KIF17: variants seen among roughly 807,000 people sequenced by gnomAD.
The protein encoded by KIF17 is kinesin family member 17, also known as kinesin-like protein KIF17.
KIF17 carries 80 observed loss-of-function variants against 96.8 expected under a neutral mutation model. That is an observed-to-expected ratio of 0.83 (90% CI 0.69 to 1.00). The LOEUF is 1.00. Ranked by LOEUF, KIF17 falls within the 50% of genes least tolerant of loss-of-function variation. The pLI is 0.00. For synonymous variants in KIF17, 567 were observed against 587.5 expected, an observed-to-expected ratio of 0.97 and a Z score of 0.51; for missense variants, 1,280 against 1,372.9, an observed-to-expected ratio of 0.93 and a Z score of 1.07.
Position 20,672,236 on chromosome 1 carries a change from A to G in KIF17, c.2464-40T>C, listed in dbSNP as rs1198906444. 1 of 1,607,176 alleles carries G rather than the reference A, an allele frequency of 6.2e-7. No individual in the cohort carries two copies. Among genetic ancestry groups the G allele is most frequent in the Admixed American group, 1.7e-5 (1 of 59,556 alleles). ...TGACAAGCAGTGAGCAGGGAAAGAT[A>G]CCTCCCCTTCCATCTAACCACCCTG... On this transcript the variant is annotated intron_variant, in intron 11 of 14. Coordinates refer to ENST00000400463, the MANE Select transcript of KIF17 (RefSeq NM_001122819.3). This position sits in a 1 kb window ranked among gnomAD's most constrained non-coding sequence, Gnocchi z 4.3.
intron 3 of KIF17, among the ~76,000 whole-genome samples, chr1:20,711,764 G>A (rs895108962): frequency 2.6e-5 from 4 of 152,144 alleles, no homozygotes; most frequent in African/African-American, 4.8e-5. Flanking sequence ...AACCACGATC[G>A]GGCCTGTGTT....
intron 14 of KIF17, among the ~76,000 whole-genome samples, chr1:20,665,739 C>A (rs541988047): frequency 1.3e-5 from 2 of 152,138 alleles, no homozygotes; most frequent in Non-Finnish European, 2.9e-5. Flanking sequence ...GGAAGCTCTG[C>A]GGGCTTTGCT....
At chr1:20,684,306 C>T (rs1010262932) in intron 10 of KIF17, among the ~76,000 whole-genome samples, 50 of 152,220 alleles carry the variant, frequency 3.3e-4, no homozygotes, top group Non-Finnish European at 1.5e-5. Flanking sequence ...ACTGGGTCTC[C>T]GCCTGTTGAA....
intron 3 of KIF17, among the ~76,000 whole-genome samples, chr1:20,711,684 G>C (rs945550520): frequency 6.6e-6 from 1 of 152,130 alleles, no homozygotes; most frequent in Non-Finnish European, 1.5e-5. Flanking sequence ...CAGTGGCTAG[G>C]GGGAGGGGAT....
intron 11 of KIF17, among the ~76,000 whole-genome samples, chr1:20,677,591 C>T (rs569366053): frequency 2.0e-5 from 3 of 152,104 alleles, no homozygotes; most frequent in Admixed American, 6.5e-5. Flanking sequence ...TAGTGGCTCA[C>T]GTCTGTAATC....
chr1:20,686,339 G>C, intron 8 of KIF17: 1 of 614,356 alleles, frequency 1.6e-6, no homozygotes, highest in Non-Finnish European at 3.0e-6. Flanking sequence ...GCGTGTGGTG[G>C]GCACCTGCTG....
At chr1:20,710,295 T>G (rs949335638) in intron 3 of KIF17, among the ~76,000 whole-genome samples, 1 of 152,062 alleles carries the variant, frequency 6.6e-6, no homozygotes, top group African/African-American at 2.4e-5. Flanking sequence ...GAGCCCTGAG[T>G]GCTGTCTCCC....
At chr1:20,697,752 G>A (rs2054166477) in intron 6 of KIF17, among the ~76,000 whole-genome samples, 1 of 152,258 alleles carries the variant, frequency 6.6e-6, no homozygotes, top group African/African-American at 2.4e-5. Context: ...AAAGGCAGGA[G>A]TGGGGGGGCC....
At chr1:20,688,016 C>T (rs937770209) in intron 7 of KIF17, 72 bp from the exon 8 acceptor site, 37 of 1,280,702 alleles carry the variant, frequency 2.9e-5, no homozygotes, top group Non-Finnish European at 3.8e-5. Context: ...AAGGTGGCTC[C>T]AAGCCCAGTG....
chr1:20,712,957 AT>A (rs2054503817), intron 3 of KIF17, among the ~76,000 whole-genome samples: 1 of 134,094 alleles, frequency 7.5e-6, no homozygotes, highest in South Asian at 2.2e-4. Flanking sequence ...TATTATCTAT[AT>A]TATATATATA....
intron 6 of KIF17, among the ~76,000 whole-genome samples, chr1:20,690,557 C>T (rs1235603333): frequency 1.3e-5 from 2 of 151,994 alleles, no homozygotes; most frequent in African/African-American, 4.8e-5. Flanking sequence ...GGGTCTCACT[C>T]TGTCCCCCAG....
In KIF17 at chr1:20,666,306, A is replaced by G. The variant is rs746331222; in HGVS notation, c.2816T>C (p.Leu939Pro). The G allele has an allele frequency of 1.9e-6, 3 of 1,613,992 alleles. No individual in the cohort carries two copies. The highest frequency in any genetic ancestry group is 2.5e-6 in the Non-Finnish European group (3 of 1,179,960). The stretch of plus-strand genomic sequence containing the variant: ...AATGTTTTCACTGTTGCTCCGACTG[A>G]GCATGAGCCTGTAGCGGTCGTCCTC... ...NMEDDRYRLMLSRSNSENIAS... is the reference protein window; with the variant it reads ...NMEDDRYRLMPSRSNSENIAS... The change falls in exon 14 of 15, where the codon CTC (leucine) becomes CCC (proline). Residue 939 changes from leucine to proline, a missense_variant. Leu to Pro is a moderately conservative substitution (Grantham distance 98). Transcript: ENST00000400463.
At chr1:20,703,879 C>T (rs749750) in intron 5 of KIF17, among the ~76,000 whole-genome samples, 62,681 of 150,990 alleles carry the variant, frequency 0.42, 13,328 homozygotes, top group Non-Finnish European at 0.48. Context: ...TGCAATGAGC[C>T]GAGATCATGC....
At chr1:20,684,621 G>A (rs927122448) in intron 10 of KIF17, among the ~76,000 whole-genome samples, 188 bp downstream of exon 10, 8 of 152,182 alleles carry the variant, frequency 5.3e-5, no homozygotes, top group Admixed American at 2.6e-4. Context: ...GATGCTGGTG[G>A]CAGCCTGTGT....
At chr1:20,690,841 C>T (rs2054026682) in intron 6 of KIF17, among the ~76,000 whole-genome samples, 1 of 151,856 alleles carries the variant, frequency 6.6e-6, no homozygotes, top group Admixed American at 6.6e-5. Flanking sequence ...CATCCGCCAC[C>T]ACGCTCAGCT....
At position 20,704,590 on chromosome 1, in the gene KIF17, C is replaced by T. The variant is rs1260237300; in HGVS notation, c.980G>A (p.Arg327His). Residue 327 changes from arginine (R) to histidine (H), a missense_variant, in exon 5 of 15, where the codon CGC (arginine) becomes CAC (histidine). Transcript: ENST00000400463. The surrounding 1 kb of genome is among the most constrained non-coding windows in gnomAD (Gnocchi z 6.8). ...GATGTTCTTGGCCCGGTTGGCGTAGCGCAGCGTGCTGAGTGTCTCATCGTA... is the reference window on the plus strand; with the variant it reads ...GATGTTCTTGGCCCGGTTGGCGTAGTGCAGCGTGCTGAGTGTCTCATCGTA... ...NNYDETLSTL[R>H]YANRAKNIRN... 5.6e-6 allele frequency: 9 copies of T among 1,614,022 alleles called. No homozygotes were observed. The highest frequency in any genetic ancestry group is 2.2e-5 in the East Asian group (1 of 44,876).
In KIF17 at chr1:20,672,329, TC is replaced by T; in HGVS notation, c.2464-134del. ...TGGCCTGATCAGCCATCCATTCTCA[TC>T]CCCACCATCCATCCAGCCATCCTTC... On this transcript the variant is annotated intron_variant, in intron 11 of 14. Coordinates refer to ENST00000400463, the MANE Select transcript of KIF17 (RefSeq NM_001122819.3). This position sits in a 1 kb window ranked among gnomAD's most constrained non-coding sequence, Gnocchi z 4.3. 2.7e-6 allele frequency: 3 copies of T among 1,105,688 alleles called. No individual in the cohort carries two copies. Among genetic ancestry groups the T allele is most frequent in the Non-Finnish European group, 4.0e-6 (3 of 755,502 alleles). The allele number at this position is 1,105,688 out of a possible 1,614,324, so 68.5% of individuals were successfully genotyped here.
chr1:20,670,478 C>T lies in KIF17; in HGVS notation c.2733G>A (p.Gly911=). The T allele has an allele frequency of 6.2e-7, 1 of 1,613,986 alleles. No individual in the cohort carries two copies. The highest frequency in any genetic ancestry group is 8.5e-7 in the Non-Finnish European group (1 of 1,180,024). The change falls in exon 13 of 15, where the codon GGG becomes GGA. Residue 911 remains glycine, a synonymous_variant. Transcript: ENST00000400463. ...TKTSLPVVST[G]PQNKPARKTS... ...TTTTGCGGGCTGGTTTGTTCTGTGG[C>T]CCAGTTGAAACTGCTATGAGAAAAC...
intron 14 of KIF17, 107 bp downstream of exon 14, chr1:20,666,107 G>A: frequency 7.0e-6 from 6 of 860,798 alleles, no homozygotes; most frequent in Non-Finnish European, 1.0e-5. Flanking sequence ...CTGAGGCTCC[G>A]AGAGGGAAAG....
Sources: allele counts gnomAD v4.1 joint callset (sites outside exome capture counted in the v4.1 genomes callset), GRCh38; gene constraint gnomAD v4.1.1; non-coding constraint Gnocchi (gnomAD v3.1); transcripts MANE v1.5; gene names NCBI Gene and HGNC (gene_info 2026-07-23, HGNC 2026-07-21).